The following THRB variants were observed in gnomAD, a reference collection of about 807,000 sequenced individuals.
The protein encoded by THRB is thyroid hormone receptor beta, also known as nuclear receptor subfamily 1 group A member 2.
In THRB, 12 loss-of-function variants were observed where a neutral mutation model predicts 47.8. The ratio of observed to expected loss-of-function variants is 0.25; its 90% CI spans 0.16 to 0.41. The LOEUF (loss-of-function observed/expected upper bound fraction) is 0.41, where lower values mean the gene tolerates loss of function less well. Ranked by LOEUF, THRB falls within the 10% of genes least tolerant of loss-of-function variation. The pLI, the probability that THRB is intolerant of heterozygous loss-of-function variation, is 1.00. For missense variants in THRB, 348 were observed against 589.2 expected (o/e 0.59, Z 4.24); for synonymous variants, 218 against 212.2 (o/e 1.03, Z -0.24).
At chr3:24,414,697 G>T (rs1044666618) in intron 1 of THRB, among the ~76,000 whole-genome samples, 5 of 151,598 alleles carry the variant, frequency 3.3e-5, no homozygotes, top group Admixed American at 6.6e-5. Flanking sequence ...CACTTAAAGG[G>T]GTAAAATATA....
intron 1 of THRB, among the ~76,000 whole-genome samples, chr3:24,480,375 A>G (rs965728485): frequency 1.3e-5 from 2 of 152,196 alleles, no homozygotes; most frequent in Non-Finnish European, 2.9e-5. Flanking sequence ...CCAGGCACAG[A>G]ATCCTCAGAG....
At chr3:24,149,795 T>G (rs1313459280) in intron 6 of THRB, among the ~76,000 whole-genome samples, 1 of 152,218 alleles carries the variant, frequency 6.6e-6, no homozygotes, top group African/African-American at 2.4e-5. Flanking sequence ...GGAAGTGGAC[T>G]TGAAGACATT....
chr3:24,417,138 A>ACACACGCG (rs142143378), intron 1 of THRB, among the ~76,000 whole-genome samples: 1 of 151,090 alleles, frequency 6.6e-6, no homozygotes, highest in African/African-American at 2.4e-5. Context: ...ACACACACAC[A>ACACACGCG]CGCGCAACGC....
chr3:24,235,916 T>TG (rs1296608776), intron 3 of THRB, among the ~76,000 whole-genome samples: 1 of 152,136 alleles, frequency 6.6e-6, no homozygotes, highest in Admixed American at 6.5e-5. Context: ...TTTGGTATTG[T>TG]GGGGTGCTGG....
chr3:24,381,071 C>T (rs1391882774), intron 1 of THRB, among the ~76,000 whole-genome samples: 3 of 147,032 alleles, frequency 2.0e-5, no homozygotes, highest in Non-Finnish European at 4.5e-5. Context: ...GCCGAGATCA[C>T]GTCACTGCAT....
At chr3:24,478,123 G>C (rs960794096) in intron 1 of THRB, among the ~76,000 whole-genome samples, 9 of 152,068 alleles carry the variant, frequency 5.9e-5, no homozygotes, top group African/African-American at 1.9e-4. Context: ...AAACGATATA[G>C]TTAGAATTAC....
intron 1 of THRB, among the ~76,000 whole-genome samples, chr3:24,382,355 G>T (rs1189978744): frequency 1.3e-5 from 2 of 152,016 alleles, no homozygotes; most frequent in Non-Finnish European, 2.9e-5. Flanking sequence ...TCTTTTGCTA[G>T]TCAAAGGATT....
At position 24,479,029 on chromosome 3, in the gene THRB, G is replaced by T. The variant is rs538257275; in HGVS notation, c.-261+15623C>A. 4.6e-5 allele frequency among the ~76,000 whole-genome samples: 7 copies of T among 152,214 alleles called. No homozygotes were observed. The East Asian group carries it at 7.7e-4, about 17-fold the overall frequency. On this transcript the variant is annotated intron_variant, in intron 1 of 10. Transcript: ENST00000646209. ...TATCCTATAATGCGGCCGGGCGCGGGGGTTAACGCCTGTAATCCCAGCACT... is the reference window on the plus strand; with the variant it reads ...TATCCTATAATGCGGCCGGGCGCGGTGGTTAACGCCTGTAATCCCAGCACT...
At chr3:24,176,416 T>TAAAAC (rs1462554373) in intron 5 of THRB, among the ~76,000 whole-genome samples, 2 of 152,178 alleles carry the variant, frequency 1.3e-5, no homozygotes, top group Admixed American at 6.5e-5. Context: ...AGATTAATTT[T>TAAAAC]AAAACAAATT....
At chr3:24,390,517 C>T (rs1343281164) in intron 1 of THRB, among the ~76,000 whole-genome samples, 1 of 152,050 alleles carries the variant, frequency 6.6e-6, no homozygotes, top group Non-Finnish European at 1.5e-5. Flanking sequence ...TGGGAAAATG[C>T]TATAATTAGC....
chr3:24,310,653 C>G (rs2057691357), intron 2 of THRB, among the ~76,000 whole-genome samples: 1 of 152,290 alleles, frequency 6.6e-6, no homozygotes, highest in Non-Finnish European at 1.5e-5. Context: ...TGCTCTAAAG[C>G]AACGATTCTC....
intron 1 of THRB, among the ~76,000 whole-genome samples, chr3:24,397,272 T>C (rs1279087305): frequency 1.3e-5 from 2 of 152,090 alleles, no homozygotes; most frequent in African/African-American, 2.4e-5. Context: ...GAGAAAAATT[T>C]TGAAGATTAG....
chr3:24,122,870 T>G lies in THRB; in HGVS notation c.*14A>C, dbSNP rs540121193. The G allele has an allele frequency of 6.2e-7, 1 of 1,614,170 alleles. No homozygotes were observed. Among genetic ancestry groups the G allele is most frequent in the East Asian group, 2.2e-5 (1 of 44,888 alleles). ...AGTAGTGCTGTAGGAATTATGAGAA[T>G]GAATCCAGTCAGTCTAATCCTCGAA... is the stretch of plus-strand genomic sequence containing the variant. On this transcript the variant is annotated 3_prime_UTR_variant, in exon 11 of 11. Transcript: ENST00000646209.
intron 4 of THRB, among the ~76,000 whole-genome samples, chr3:24,207,781 G>T (rs1185142587): frequency 6.6e-6 from 1 of 152,124 alleles, no homozygotes; most frequent in East Asian, 1.9e-4. Context: ...TTTGAAAACT[G>T]GCACAAGACA....
intron 2 of THRB, among the ~76,000 whole-genome samples, chr3:24,312,348 T>A (rs1183628259): frequency 6.6e-6 from 1 of 152,238 alleles, no homozygotes; most frequent in Non-Finnish European, 1.5e-5. Flanking sequence ...TTTTTCATCA[T>A]CATAGCTCTT....
intron 3 of THRB, among the ~76,000 whole-genome samples, chr3:24,291,339 A>G (rs1177678955): frequency 1.3e-5 from 2 of 152,198 alleles, no homozygotes; most frequent in Non-Finnish European, 2.9e-5. Flanking sequence ...GACATATTTA[A>G]ATATAAAGTG....
intron 3 of THRB, among the ~76,000 whole-genome samples, chr3:24,252,819 A>G (rs1027520153): frequency 2.0e-5 from 3 of 152,128 alleles, no homozygotes; most frequent in Non-Finnish European, 4.4e-5. Flanking sequence ...AGCAGTGTAC[A>G]CGGTATGTGA....
At chr3:24,434,261 A>T (rs9854304) in intron 1 of THRB, among the ~76,000 whole-genome samples, 1 of 152,000 alleles carries the variant, frequency 6.6e-6, no homozygotes, top group Non-Finnish European at 1.5e-5. Context: ...TTAAGGGTCC[A>T]TATAGATTTG....
intron 1 of THRB, among the ~76,000 whole-genome samples, chr3:24,363,365 C>T (rs1374032907): frequency 6.6e-6 from 1 of 152,160 alleles, no homozygotes; most frequent in Non-Finnish European, 1.5e-5. Flanking sequence ...AATACTCTCT[C>T]ATCCAAGAAT....
Sources: allele counts gnomAD v4.1 joint callset (sites outside exome capture counted in the v4.1 genomes callset), GRCh38; gene constraint gnomAD v4.1.1; transcripts MANE v1.5; gene names NCBI Gene and HGNC (gene_info 2026-07-23, HGNC 2026-07-21).